The following PTPRT variants were observed in gnomAD, a reference collection of about 807,000 sequenced individuals.
PTPRT encodes the protein protein tyrosine phosphatase receptor type T.
A neutral mutation model predicts 176.8 loss-of-function variants in PTPRT; 56 were observed. That is an observed-to-expected ratio of 0.32 (90% CI 0.26 to 0.40). The LOEUF (loss-of-function observed/expected upper bound fraction) is 0.40, where lower values mean the gene tolerates loss of function less well. PTPRT is among the 10% of genes least tolerant of loss of function. PTPRT has a pLI of 1.00. For missense variants in PTPRT, 1,540 were observed against 1,908.2 expected, an observed-to-expected ratio of 0.81 and a Z score of 3.60; for synonymous variants, 783 against 739.0, an observed-to-expected ratio of 1.06 and a Z score of -0.96.
At chr20:42,751,264 G>A (rs2076765884) in intron 6 of PTPRT, among the ~76,000 whole-genome samples, 4 of 152,156 alleles carry the variant, frequency 2.6e-5, no homozygotes, top group Admixed American at 2.6e-4. Context: ...CCTCCCAACT[G>A]TGGAGTGGTT....
At chr20:42,222,749 A>T (rs1056675093) in intron 15 of PTPRT, among the ~76,000 whole-genome samples, 3 of 152,166 alleles carry the variant, frequency 2.0e-5, no homozygotes, top group African/African-American at 7.2e-5. Flanking sequence ...TATTATTTGT[A>T]ATATGCTTTA....
At chr20:42,048,997 A>G in the PTPRT span, among the ~76,000 whole-genome samples, 1 of 151,794 alleles carries the variant, frequency 6.6e-6, no homozygotes, top group African/African-American at 2.4e-5. Flanking sequence ...AATTTTTTGT[A>G]TTTAGTAGAG....
chr20:43,075,962 A>G (rs749327065), intron 1 of PTPRT, among the ~76,000 whole-genome samples: 1 of 152,192 alleles, frequency 6.6e-6, no homozygotes, highest in South Asian at 2.1e-4. Context: ...CCAGAATTCT[A>G]TGCCTTACAG....
At chr20:43,153,724 G>A (rs1028287947) in intron 1 of PTPRT, among the ~76,000 whole-genome samples, 2 of 152,182 alleles carry the variant, frequency 1.3e-5, no homozygotes, top group Non-Finnish European at 2.9e-5. Context: ...TTGGGTATTT[G>A]GTTCTGTTTA....
chr20:42,581,810 C>G (rs1459894602), intron 7 of PTPRT, among the ~76,000 whole-genome samples: 1 of 152,120 alleles, frequency 6.6e-6, no homozygotes, highest in Non-Finnish European at 1.5e-5. Flanking sequence ...AGAAATAACT[C>G]AGAGGTTGAA....
intron 1 of PTPRT, among the ~76,000 whole-genome samples, chr20:43,186,911 C>A (rs1343767449): frequency 1.3e-5 from 2 of 152,214 alleles, no homozygotes; most frequent in Admixed American, 1.3e-4. Flanking sequence ...TATGTGGATT[C>A]TGAAACCCAC....
chr20:42,896,265 C>A (rs1469495989), intron 1 of PTPRT, among the ~76,000 whole-genome samples: 1 of 152,066 alleles, frequency 6.6e-6, no homozygotes, highest in African/African-American at 2.4e-5. Context: ...CCAAGGCGAC[C>A]TCCAAGATAG....
In PTPRT at chr20:42,380,645, G is replaced by A. The variant is rs1003235415; in HGVS notation, c.1561-28360C>T. The stretch of plus-strand genomic sequence containing the variant: ...AGAAAATGAGCCTGCTTGGTCCTAC[G>A]GCTCTTAGCGTAGCTTTGCATTGCA... On this transcript the variant is annotated intron_variant, in intron 9 of 30. Transcript: ENST00000373187. Among the ~76,000 whole-genome samples the A allele has an allele frequency of 5.9e-5, 9 of 152,158 alleles. 1 individual carries two copies. The highest frequency in any genetic ancestry group is 2.2e-4 in the African/African-American group (9 of 41,442).
chr20:43,024,599 A>G (rs1221864433), intron 1 of PTPRT, among the ~76,000 whole-genome samples: 1 of 152,104 alleles, frequency 6.6e-6, no homozygotes, highest in Non-Finnish European at 1.5e-5. Flanking sequence ...CAAAAAAAAA[A>G]AAAAAAGCCT....
chr20:42,879,953 T>G (rs1350908108), intron 2 of PTPRT, among the ~76,000 whole-genome samples: 1 of 152,178 alleles, frequency 6.6e-6, no homozygotes, highest in Non-Finnish European at 1.5e-5. Context: ...CTAAACTTAC[T>G]TAAGAGAGAA....
At chr20:42,326,872 G>A (rs2057889917) in intron 11 of PTPRT, among the ~76,000 whole-genome samples, 2 of 151,764 alleles carry the variant, frequency 1.3e-5, no homozygotes, top group Admixed American at 1.3e-4. Flanking sequence ...ATATTTGTGA[G>A]CCCTAAAGAT....
chr20:42,798,232 T>C (rs2145575580), intron 2 of PTPRT, among the ~76,000 whole-genome samples: 1 of 152,346 alleles, frequency 6.6e-6, no homozygotes, highest in South Asian at 2.1e-4. Flanking sequence ...TTCTGAATTG[T>C]TGTTCCTATA....
At chr20:43,012,546 T>C (rs750895839) in intron 1 of PTPRT, among the ~76,000 whole-genome samples, 1 of 152,198 alleles carries the variant, frequency 6.6e-6, no homozygotes, top group Non-Finnish European at 1.5e-5. Context: ...TTAATGCCAC[T>C]TAAATGCACA....
chr20:42,336,002 T>C (rs1310480689), intron 11 of PTPRT, among the ~76,000 whole-genome samples: 3 of 152,164 alleles, frequency 2.0e-5, no homozygotes, highest in African/African-American at 7.2e-5. Context: ...ATCTGTAAAA[T>C]AGGGATAACA....
chr20:42,753,763 G>A (rs959154592), intron 6 of PTPRT, among the ~76,000 whole-genome samples: 7 of 152,318 alleles, frequency 4.6e-5, no homozygotes, highest in South Asian at 2.1e-4. Flanking sequence ...CCACCTCTCC[G>A]AATAAAGCAA....
intron 1 of PTPRT, among the ~76,000 whole-genome samples, chr20:43,056,491 C>G (rs188412044): frequency 9.2e-5 from 14 of 152,304 alleles, no homozygotes; most frequent in Non-Finnish European, 1.8e-4. Flanking sequence ...GATAGTGAAC[C>G]TAGATCTTCA....
chr20:42,572,929 T>G (rs975226915), intron 7 of PTPRT, among the ~76,000 whole-genome samples: 5 of 150,502 alleles, frequency 3.3e-5, no homozygotes, highest in Admixed American at 6.6e-5. Flanking sequence ...TTTGTTTTTT[T>G]TTTTTTTTAA....
intron 11 of PTPRT, among the ~76,000 whole-genome samples, chr20:42,321,805 C>T (rs1042245618): frequency 7.9e-5 from 12 of 152,092 alleles, no homozygotes; most frequent in South Asian, 2.1e-4. Context: ...AATTTAAGGT[C>T]GAGCGCGGTG....
intron 27 of PTPRT, among the ~76,000 whole-genome samples, chr20:42,096,106 C>T (rs749571826): frequency 4.6e-5 from 7 of 152,156 alleles, no homozygotes; most frequent in East Asian, 1.9e-4. Flanking sequence ...AATGTTTTCA[C>T]GTCCAATTCC....
Sources: allele counts gnomAD v4.1 joint callset (sites outside exome capture counted in the v4.1 genomes callset), GRCh38; gene constraint gnomAD v4.1.1; transcripts MANE v1.5; gene names NCBI Gene and HGNC (gene_info 2026-07-23, HGNC 2026-07-21).